MFSD6: variants seen among roughly 807,000 people sequenced by gnomAD.
MFSD6 encodes major facilitator superfamily domain containing 6, also known as major facilitator superfamily domain-containing protein 6.
MFSD6 carries 26 observed loss-of-function variants against 56.3 expected under a neutral mutation model. That is an observed-to-expected ratio of 0.46 (90% CI 0.34 to 0.64). The LOEUF (loss-of-function observed/expected upper bound fraction) is 0.64. Among genes scored for constraint, MFSD6 ranks in the 30% least tolerant of loss-of-function variants. The pLI is 0.01. For synonymous variants in MFSD6, 331 were observed against 366.9 expected, an observed-to-expected ratio of 0.90 and a Z score of 1.12; for missense variants, 750 against 986.2, an observed-to-expected ratio of 0.76 and a Z score of 3.21.
chr2:190,452,124 C>G (rs945846543), intron 3 of MFSD6, among the ~76,000 whole-genome samples: 14 of 151,044 alleles, frequency 9.3e-5, no homozygotes, highest in African/African-American at 3.4e-4. Context: ...GGTAAATAAT[C>G]TAGATGAAAA....
At position 190,439,422 on chromosome 2, in the gene MFSD6, G is replaced by A. The variant is rs1459628092; in HGVS notation, c.1532+1861G>A. Among the ~76,000 whole-genome samples, 2 of 152,000 alleles carry A rather than the reference G, an allele frequency of 1.3e-5. No homozygotes were observed. The highest frequency in any genetic ancestry group is 2.9e-5 in the Non-Finnish European group (2 of 68,006). On this transcript the variant is annotated intron_variant, in intron 3 of 7. Transcript: ENST00000392328. This position sits in a 1 kb window ranked among gnomAD's most constrained non-coding sequence, Gnocchi z 5.8. ...TTAGGGTACACGTGCACAACGTGCAGATTTGTTGCATGTGTATAGATAGGT... is the reference window on the plus strand; with the variant it reads ...TTAGGGTACACGTGCACAACGTGCAAATTTGTTGCATGTGTATAGATAGGT...
Position 190,437,064 on chromosome 2 carries a change from G to A in MFSD6, c.1035G>A (p.Gly345=). The A allele has an allele frequency of 6.2e-7, 1 of 1,614,234 alleles. No individual in the cohort carries two copies. The highest frequency in any genetic ancestry group is 8.5e-7 in the Non-Finnish European group (1 of 1,180,052). The part of the protein sequence containing the change: ...WGLAMLSVGI[G]IDYTHIEVLI... ...TGGCGATGCTGTCTGTGGGCATCGG[G>A]ATCGACTACACCCACATCGAAGTGC... Residue 345 remains glycine (G), a synonymous_variant, in exon 3 of 8, where the codon GGG becomes GGA. Transcript: ENST00000392328. This position sits in a 1 kb window ranked among gnomAD's most constrained non-coding sequence, Gnocchi z 5.9.
chr2:190,419,478 C>T (rs563207442), intron 2 of MFSD6, among the ~76,000 whole-genome samples: 9 of 152,356 alleles, frequency 5.9e-5, no homozygotes, highest in African/African-American at 1.7e-4. Context: ...GTTATGATGG[C>T]CATGGCACAA....
intron 2 of MFSD6, among the ~76,000 whole-genome samples, chr2:190,430,822 G>A (rs1323551071): frequency 1.4e-5 from 2 of 142,584 alleles, no homozygotes; most frequent in East Asian, 2.3e-4. Flanking sequence ...CCTCCCGGAC[G>A]GGGCGGCCGG....
intron 3 of MFSD6, among the ~76,000 whole-genome samples, chr2:190,450,845 A>G (rs1173288686): frequency 2.0e-5 from 3 of 152,148 alleles, no homozygotes; most frequent in Non-Finnish European, 4.4e-5. Context: ...AAGCTCTGAC[A>G]TTATTGAAAA....
At chr2:190,472,145 CAG>C (rs571636792) in intron 4 of MFSD6, among the ~76,000 whole-genome samples, 7 of 152,280 alleles carry the variant, frequency 4.6e-5, no homozygotes, top group East Asian at 1.9e-4. Context: ...GGGGAAAAAA[CAG>C]AGCAGAAAAA....
At chr2:190,409,092 T>C (rs1209118649) in intron 1 of MFSD6, among the ~76,000 whole-genome samples, 4 of 152,164 alleles carry the variant, frequency 2.6e-5, no homozygotes, top group Non-Finnish European at 4.4e-5. Flanking sequence ...ATACCTCTGC[T>C]CTGCCAGCCA....
At chr2:190,484,449 C>T (rs1489817950) in intron 4 of MFSD6, among the ~76,000 whole-genome samples, 2 of 152,064 alleles carry the variant, frequency 1.3e-5, no homozygotes, top group African/African-American at 4.8e-5. Flanking sequence ...TCTTTTGTCC[C>T]CTCTACTTTA....
rs754696569 is a variant in MFSD6, at chr2:190,437,598, T to C, written c.1532+37T>C. 2.5e-6 allele frequency: 4 copies of C among 1,580,676 alleles called. No individual in the cohort carries two copies. The South Asian group carries it at 4.6e-5, about 18-fold the overall frequency. On this transcript the variant is annotated intron_variant, in intron 3 of 7. Transcript: ENST00000392328. This position sits in a 1 kb window ranked among gnomAD's most constrained non-coding sequence, Gnocchi z 5.9. ...CTTACGATTGCTGCCCCTCAGCAAT[T>C]GAACTTTATCTTTTTATGGTTTATA...
rs1686280467 is a variant in MFSD6, at chr2:190,439,100, C to A, written c.1532+1539C>A. ...ACTCGGAATGCCCTTTAATTTTGTCCACACCATGTTTAGATTATCTGAGCT... is the reference window on the plus strand; with the variant it reads ...ACTCGGAATGCCCTTTAATTTTGTCAACACCATGTTTAGATTATCTGAGCT... On this transcript the variant is annotated intron_variant, in intron 3 of 7. Coordinates refer to ENST00000392328, the MANE Select transcript of MFSD6 (RefSeq NM_017694.4). This position sits in a 1 kb window ranked among gnomAD's most constrained non-coding sequence, Gnocchi z 5.8. 6.6e-6 allele frequency among the ~76,000 whole-genome samples: 1 copy of A among 151,938 alleles called. No individual in the cohort carries two copies. The highest frequency in any genetic ancestry group is 2.4e-5 in the African/African-American group (1 of 41,350).
At chr2:190,486,498 T>C (rs1020312338) in intron 4 of MFSD6, among the ~76,000 whole-genome samples, 2 of 152,250 alleles carry the variant, frequency 1.3e-5, no homozygotes, top group African/African-American at 4.8e-5. Flanking sequence ...TTCTCTTTTT[T>C]TGCCCTGCAG....
Position 190,489,628 on chromosome 2 carries a change from GAGCTAATACCC to G in MFSD6, c.1793-138_1793-128del. On this transcript the variant is annotated intron_variant, in intron 5 of 7. Transcript: ENST00000392328. The surrounding 1 kb of genome is among the most constrained non-coding windows in gnomAD (Gnocchi z 6.6). ...CAGCCCTGTGTTTTTCCATTATGTG[GAGCTAATACCC>G]AACTACTTTTCTCTGGTTTGTCTCA... is the stretch of plus-strand genomic sequence containing the variant. 1 of 701,514 alleles carries G rather than the reference GAGCTAATACCC, an allele frequency of 1.4e-6. No homozygotes were observed. Among genetic ancestry groups the G allele is most frequent in the Non-Finnish European group, 2.4e-6 (1 of 422,154 alleles). The allele number at this position is 701,514 out of a possible 1,614,324, so 43.5% of individuals were successfully genotyped here.
Position 190,447,366 on chromosome 2 carries a change from A to G in MFSD6, c.1532+9805A>G, listed in dbSNP as rs1686621740. Among the ~76,000 whole-genome samples, 2 of 152,204 alleles carry G rather than the reference A, an allele frequency of 1.3e-5. No homozygotes were observed. Among genetic ancestry groups the G allele is most frequent in the Non-Finnish European group, 2.9e-5 (2 of 68,032 alleles). ...TGTGAGTCCATCACCAGTGGATTTCATTTTTAATTTTGTGCCAACTAGAGA... is the reference window on the plus strand; with the variant it reads ...TGTGAGTCCATCACCAGTGGATTTCGTTTTTAATTTTGTGCCAACTAGAGA... On this transcript the variant is annotated intron_variant, in intron 3 of 7. Transcript: ENST00000392328. The surrounding 1 kb of genome is among the most constrained non-coding windows in gnomAD (Gnocchi z 4.5).
rs1553519571 is a variant in MFSD6 at position 190,455,000 on chromosome 2, A to ATGTATAATGTAT, written c.1533-14758_1533-14757insTGTATAATGTAT. 2.1e-5 allele frequency among the ~76,000 whole-genome samples: 1 copy of ATGTATAATGTAT among 46,604 alleles called. No individual in the cohort carries two copies. Among genetic ancestry groups the ATGTATAATGTAT allele is most frequent in the South Asian group, 1.1e-3 (1 of 936 alleles). 30.6% of individuals were successfully genotyped at this position (46,604 alleles called of 152,430 possible). On this transcript the variant is annotated intron_variant, in intron 3 of 7. Coordinates refer to ENST00000392328, the MANE Select transcript of MFSD6 (RefSeq NM_017694.4). The surrounding 1 kb of genome is among the most constrained non-coding windows in gnomAD (Gnocchi z 4.6). ...TATGTATATGTATATGTATATGTAT[A>ATGTATAATGTAT]ATGTATATGTATATGTATATGTGTG...
intron 3 of MFSD6, among the ~76,000 whole-genome samples, chr2:190,440,799 A>T (rs1310115502): frequency 6.6e-6 from 1 of 152,232 alleles, no homozygotes; most frequent in African/African-American, 2.4e-5. Flanking sequence ...ATCAATTACT[A>T]CTTAATATTA....
At chr2:190,466,735 T>C (rs1687626073) in intron 3 of MFSD6, among the ~76,000 whole-genome samples, 1 of 152,194 alleles carries the variant, frequency 6.6e-6, no homozygotes, top group Admixed American at 6.5e-5. Context: ...ATACTTCTTA[T>C]TTTGTGTTTT....
intron 3 of MFSD6, among the ~76,000 whole-genome samples, chr2:190,455,265 A>C (rs1420353448): frequency 6.9e-6 from 1 of 144,812 alleles, no homozygotes; most frequent in African/African-American, 2.4e-5. Context: ...ATTACTATTA[A>C]GTTATTCATA....
rs951729096 is a variant in MFSD6 at position 190,457,433 on chromosome 2, T to G, written c.1533-12325T>G. ...GGCCCCCTACCCCCAGGACTCAGAC[T>G]TTGCGTGTTTTTTGCTGACAAGTCA... On this transcript the variant is annotated intron_variant, in intron 3 of 7. Transcript: ENST00000392328. The surrounding 1 kb of genome is among the most constrained non-coding windows in gnomAD (Gnocchi z 5.1). 6.6e-6 allele frequency among the ~76,000 whole-genome samples: 1 copy of G among 152,194 alleles called. No individual in the cohort carries two copies. Among genetic ancestry groups the G allele is most frequent in the Non-Finnish European group, 1.5e-5 (1 of 68,028 alleles).
chr2:190,432,697 G>A (rs557178127), intron 2 of MFSD6, among the ~76,000 whole-genome samples: 5 of 152,192 alleles, frequency 3.3e-5, no homozygotes, highest in South Asian at 2.1e-4. Context: ...AATTACAGGC[G>A]TGAGCCACCG....
Sources: gnomAD v4.1 joint callset for allele counts (sites outside exome capture counted in the v4.1 genomes callset) on GRCh38, gnomAD v4.1.1 for gene constraint, Gnocchi (gnomAD v3.1) non-coding constraint, MANE v1.5 for transcripts, NCBI Gene and HGNC (gene_info 2026-07-23, HGNC 2026-07-21) for gene names.